The following STXBP4 variants were observed in gnomAD, a reference collection of about 807,000 sequenced individuals.
STXBP4 encodes the protein syntaxin binding protein 4, also known as syntaxin-binding protein 4.
A neutral mutation model predicts 76.1 loss-of-function variants in STXBP4; 55 were observed. The observed-to-expected ratio is 0.72, with a 90% CI of 0.58 to 0.91. The LOEUF (loss-of-function observed/expected upper bound fraction) is 0.91, where lower values mean the gene tolerates loss of function less well. Ranked by LOEUF, STXBP4 falls within the 40% of genes least tolerant of loss-of-function variation. The pLI is 0.00. For synonymous variants in STXBP4, 201 were observed against 220.2 expected (o/e 0.91, Z 0.77); for missense variants, 618 against 636.9 (o/e 0.97, Z 0.32).
intron 1 of STXBP4, among the ~76,000 whole-genome samples, chr17:54,978,584 AATAAC>A (rs2077503575): frequency 6.6e-6 from 1 of 152,218 alleles, no homozygotes; most frequent in Admixed American, 6.5e-5. Context: ...GAAAGAAGAA[AATAAC>A]ATAAAGGGTA....
At chr17:55,088,530 G>A (rs1161463841) in intron 16 of STXBP4, among the ~76,000 whole-genome samples, 1 of 152,122 alleles carries the variant, frequency 6.6e-6, no homozygotes, top group African/African-American at 2.4e-5. Flanking sequence ...CTGAGTAGCT[G>A]GGATTACAGG....
chr17:54,981,537 A>C (rs2077551279), intron 1 of STXBP4, among the ~76,000 whole-genome samples: 1 of 152,168 alleles, frequency 6.6e-6, no homozygotes, highest in Non-Finnish European at 1.5e-5. Flanking sequence ...GAAAAATATG[A>C]GTTGGATCTG....
At chr17:55,191,579 G>C in the STXBP4 span, among the ~76,000 whole-genome samples, 1 of 152,104 alleles carries the variant, frequency 6.6e-6, no homozygotes, top group African/African-American at 2.4e-5. Flanking sequence ...TAGTTCATCT[G>C]TCTCTGTTCT....
Position 55,081,163 on chromosome 17 carries a change from G to A in STXBP4, c.1469G>A (p.Arg490His), listed in dbSNP as rs35447433. ...LESKELVKSV[R>H]ALLDMDCLPY... is the part of the protein sequence containing the mutation. ...TCTAAGGAACTTGTTAAATCTGTTC[G>A]TGCCTTACTTGATATGGATTGTAAG... The change falls in exon 16 of 18, where the codon CGT becomes CAT. Residue 490 changes from arginine (R) to histidine (H), a missense_variant. Transcript: ENST00000376352. 2.8e-4 allele frequency: 423 copies of A among 1,504,304 alleles called. 1 individual carries two copies. In the African/African-American group the frequency reaches 5.1e-3, roughly 18 times the overall value. 93.2% of individuals were successfully genotyped at this position (1,504,304 alleles called of 1,614,324 possible).
At chr17:55,001,868 G>C (rs886815265) in intron 7 of STXBP4, among the ~76,000 whole-genome samples, 8 of 152,088 alleles carry the variant, frequency 5.3e-5, no homozygotes, top group Non-Finnish European at 1.2e-4. Flanking sequence ...TCCTGACCTC[G>C]TGATCTGCCT....
At chr17:55,129,807 G>T (rs907005748) in intron 16 of STXBP4, among the ~76,000 whole-genome samples, 17 of 152,094 alleles carry the variant, frequency 1.1e-4, no homozygotes, top group African/African-American at 4.1e-4. Flanking sequence ...CCTGGTTCCT[G>T]GTGTACACAC....
intron 8 of STXBP4, among the ~76,000 whole-genome samples, chr17:55,029,178 A>G (rs1016513478): frequency 4.6e-5 from 7 of 152,140 alleles, no homozygotes; most frequent in Non-Finnish European, 1.0e-4. Context: ...TGCAGACAAT[A>G]TTGAGCAATT....
At chr17:55,043,821 TTTTG>T (rs1301407836) in intron 11 of STXBP4, 1 of 601,798 alleles carries the variant, frequency 1.7e-6, no homozygotes, top group African/African-American at 1.9e-5. Flanking sequence ...TCTTCTCTTT[TTTTG>T]TTTGTTTGGT....
At position 54,999,363 on chromosome 17, in the gene STXBP4, G is replaced by A. The variant is rs771268075; in HGVS notation, c.199G>A (p.Gly67Arg). Reference sequence around the variant, plus strand: ...TTGTTAGGATGGTCGTTTGAAGCCAGGAGATCAACTTGTCTCAGTCAACAA... The same window carrying A: ...TTGTTAGGATGGTCGTTTGAAGCCAAGAGATCAACTTGTCTCAGTCAACAA... ...DCYKDGRLKPGDQLVSVNKES... is the reference protein window; with the variant it reads ...DCYKDGRLKPRDQLVSVNKES... The change falls in exon 5 of 18, where the codon GGA becomes AGA. Residue 67 changes from glycine to arginine, a missense_variant. Physicochemically the swap from Gly to Arg is moderately radical, Grantham distance 125. Transcript: ENST00000376352. The A allele has an allele frequency of 5.6e-6, 9 of 1,611,434 alleles. No individual in the cohort carries two copies. In the Admixed American group the frequency reaches 1.2e-4, roughly 21 times the overall value.
At chr17:55,149,509 A>C (rs2080191965) in intron 17 of STXBP4, among the ~76,000 whole-genome samples, 1 of 152,196 alleles carries the variant, frequency 6.6e-6, no homozygotes, top group Non-Finnish European at 1.5e-5. Flanking sequence ...AATTGAATGA[A>C]ATTTGGGGTA....
At chr17:55,059,614 T>C (rs1387166929) in intron 12 of STXBP4, among the ~76,000 whole-genome samples, 1 of 152,160 alleles carries the variant, frequency 6.6e-6, no homozygotes. Context: ...AATGCTGATC[T>C]AGAACTCTAC....
Position 55,159,928 on chromosome 17 carries a change from G to A in STXBP4, c.*17G>A, listed in dbSNP as rs149788042. On this transcript the variant is annotated 3_prime_UTR_variant, in exon 18 of 18. Transcript: ENST00000376352. ...AAAAGTTGATGGTTTTCCTTAGGAA[G>A]TGGAGCTACATGGATGATGTGAGCA... The A allele has an allele frequency of 6.6e-7, 1 of 1,515,636 alleles. No homozygotes were observed. The highest frequency in any genetic ancestry group is 9.2e-7 in the Non-Finnish European group (1 of 1,090,634). The allele number at this position is 1,515,636 out of a possible 1,614,324, so 93.9% of individuals were successfully genotyped here.
In STXBP4 at chr17:55,162,238, G is replaced by A. The variant is rs1470317008; in HGVS notation, c.*2327G>A. On this transcript the variant is annotated 3_prime_UTR_variant, in exon 18 of 18. Transcript: ENST00000376352. ...AGAGATGCTCAAAAAAGCATGGTCA[G>A]GGCTTAGCAAGAATCCTTTTCCAGT... 1.3e-5 allele frequency: 2 copies of A among 152,188 alleles called. No individual in the cohort carries two copies. Among genetic ancestry groups the A allele is most frequent in the Non-Finnish European group, 2.9e-5 (2 of 68,040 alleles). The allele number at this position is 152,188 out of a possible 1,614,324, so 9.4% of individuals were successfully genotyped here.
At chr17:55,000,129 T>A (rs2077883623) in intron 6 of STXBP4, 9 of 740,882 alleles carry the variant, frequency 1.2e-5, no homozygotes, top group Non-Finnish European at 1.5e-5. Flanking sequence ...GTTAAGAATG[T>A]CATATTTGGT....
chr17:55,090,857 G>C (rs1165273225), intron 16 of STXBP4, among the ~76,000 whole-genome samples: 38 of 232 alleles, frequency 0.16, no homozygotes, highest in East Asian at 0.33. Context: ...GTGTGTGTCT[G>C]TGTGTGTGTG....
intron 8 of STXBP4, among the ~76,000 whole-genome samples, chr17:55,022,432 T>G (rs1353682318): frequency 1.3e-5 from 2 of 152,194 alleles, no homozygotes; most frequent in Non-Finnish European, 2.9e-5. Flanking sequence ...TATTTATTTT[T>G]ACTCAACAAA....
chr17:54,985,432 A>G (rs2077612846), intron 1 of STXBP4, among the ~76,000 whole-genome samples, 182 bp from the exon 2 acceptor site: 1 of 152,338 alleles, frequency 6.6e-6, no homozygotes, highest in Admixed American at 6.5e-5. Flanking sequence ...AGAGAGTTGT[A>G]CTAAATGATC....
Position 55,034,269 on chromosome 17 carries a change from G to A in STXBP4, c.855+10G>A, listed in dbSNP as rs377191645. 3.1e-6 allele frequency: 5 copies of A among 1,594,594 alleles called. No homozygotes were observed. In the African/African-American group the frequency reaches 6.7e-5, roughly 21 times the overall value. On this transcript the variant is annotated intron_variant, in intron 10 of 17. Transcript: ENST00000376352. ...TATATTAGATTCACAGGTAGAGTAT[G>A]CCCTATAGAATTGCTTTGACATGTA... is the stretch of plus-strand genomic sequence containing the variant.
downstream of STXBP4, among the ~76,000 whole-genome samples, chr17:55,177,985 G>A (rs1381368152): frequency 6.6e-6 from 1 of 152,156 alleles, no homozygotes; most frequent in Non-Finnish European, 1.5e-5. Flanking sequence ...TTTCAAATGT[G>A]TGCGTCCTCC....
Sources: gnomAD v4.1 joint callset for allele counts (sites outside exome capture counted in the v4.1 genomes callset) on GRCh38, gnomAD v4.1.1 for gene constraint, MANE v1.5 for transcripts, NCBI Gene and HGNC (gene_info 2026-07-23, HGNC 2026-07-21) for gene names.